Variants in NOLC1 observed in about 807,000 individuals in gnomAD.
The protein encoded by NOLC1 is 140 kDa nucleolar phosphoprotein.
NOLC1 carries 37 observed loss-of-function variants against 73.4 expected under a neutral mutation model. The ratio of observed to expected loss-of-function variants is 0.50; its 90% CI spans 0.39 to 0.66. The LOEUF is 0.66. Among genes scored for constraint, NOLC1 ranks in the 30% least tolerant of loss-of-function variants. The pLI, the probability that NOLC1 is intolerant of heterozygous loss-of-function variation, is 0.00. For synonymous variants in NOLC1, 327 were observed against 302.6 expected, an observed-to-expected ratio of 1.08 and a Z score of -0.84; for missense variants, 921 against 838.9, an observed-to-expected ratio of 1.10 and a Z score of -1.21.
At chr10:102,159,145 T>C in intron 5 of NOLC1, 48 bp from the exon 6 acceptor site, 1 of 1,595,882 alleles carries the variant, frequency 6.3e-7, no homozygotes, top group Non-Finnish European at 8.6e-7. Context: ...TTCATGGTCC[T>C]GACTTGCCCT....
In NOLC1 at chr10:102,163,187, G is replaced by A. The variant is rs1448885251; in HGVS notation, c.*918G>A. Reference sequence around the variant, plus strand: ...TGGTATTGCTGTCTTGGTTGCAGTGGTGATACAGAATTGGTTTCATTAATT... The same window carrying A: ...TGGTATTGCTGTCTTGGTTGCAGTGATGATACAGAATTGGTTTCATTAATT... On this transcript the variant is annotated 3_prime_UTR_variant, in exon 13 of 13. Transcript: ENST00000605788. 1 of 152,138 alleles carries A rather than the reference G, an allele frequency of 6.6e-6. No homozygotes were observed. The highest frequency in any genetic ancestry group is 2.4e-5 in the African/African-American group (1 of 41,412). 9.4% of individuals were successfully genotyped at this position (152,138 alleles called of 1,614,324 possible).
chr10:102,162,402 T>C lies in NOLC1; in HGVS notation c.*133T>C, dbSNP rs181189987. 2.2e-5 allele frequency: 19 copies of C among 881,148 alleles called. No individual in the cohort carries two copies. The East Asian group carries it at 4.0e-4, about 18-fold the overall frequency. 54.6% of individuals were successfully genotyped at this position (881,148 alleles called of 1,614,324 possible). A position where few individuals can be genotyped will look rare whatever the true frequency, so the allele number is the denominator to read the frequency against. On this transcript the variant is annotated 3_prime_UTR_variant, in exon 13 of 13. Transcript: ENST00000605788. ...AAGTTTAGAGTAGGTCCTAAGACTT[T>C]ACAGTGTAACATCCTCTCTGGTCCT...
chr10:102,161,774 C>G (rs1460904850), intron 11 of NOLC1, 59 bp from the exon 12 acceptor site: 1 of 1,547,320 alleles, frequency 6.5e-7, no homozygotes, highest in Non-Finnish European at 8.9e-7. Context: ...ATGTGTATCA[C>G]TCAGGAGAAC....
At chr10:102,157,649 GCA>G (rs1416643747) in intron 4 of NOLC1, 94 bp downstream of exon 4, 13 of 1,388,918 alleles carry the variant, frequency 9.4e-6, no homozygotes, top group Non-Finnish European at 1.3e-5. Context: ...GGTGATGGCG[GCA>G]ATACAATAGG....
Position 102,160,790 on chromosome 10 carries a change from G to A in NOLC1, c.1438G>A (p.Glu480Lys). 2 of 1,614,232 alleles carry A rather than the reference G, an allele frequency of 1.2e-6. No individual in the cohort carries two copies. Among genetic ancestry groups the A allele is most frequent in the Admixed American group, 1.7e-5 (1 of 60,020 alleles). ...TGATTCAGACAGCTCCAGCAGTGAG[G>A]AGGAGGAAGAGAAGACATCTAAGTC... ...SSDSDSSSSE[E>K]EEEKTSKSAV... The change falls in exon 10 of 13, where the codon GAG (glutamate) becomes AAG (lysine). Residue 480 changes from glutamate to lysine, a missense_variant. Coordinates refer to ENST00000605788, the MANE Select transcript of NOLC1 (RefSeq NM_004741.5).
At chr10:102,156,532 G>A (rs1426767311) in intron 1 of NOLC1, among the ~76,000 whole-genome samples, 1 of 151,154 alleles carries the variant, frequency 6.6e-6, no homozygotes, top group East Asian at 1.9e-4. Context: ...CAGCCTTCTA[G>A]GTTCAAGCAA....
At chr10:102,159,138 A>G (rs1002679486) in intron 5 of NOLC1, 55 bp from the exon 6 acceptor site, 4 of 1,539,160 alleles carry the variant, frequency 2.6e-6, no homozygotes, top group Admixed American at 3.9e-5. Flanking sequence ...GAGGTTTTTC[A>G]TGGTCCTGAC....
Position 102,152,419 on chromosome 10 carries a change from C to A in NOLC1, c.9C>A (p.Asp3Glu). The A allele has an allele frequency of 6.2e-7, 1 of 1,610,602 alleles. No homozygotes were observed. Among genetic ancestry groups the A allele is most frequent in the Non-Finnish European group, 8.5e-7 (1 of 1,180,010 alleles). The part of the protein sequence containing the change: MA[D>E]AGIRRVVPSD... ...CGCGTATTGCCTGGAGGATGGCGGACGCCGGCATTCGCCGCGTGGTTCCCA... is the reference window on the plus strand; with the variant it reads ...CGCGTATTGCCTGGAGGATGGCGGAAGCCGGCATTCGCCGCGTGGTTCCCA... Residue 3 changes from aspartate to glutamate, a missense_variant, in exon 1 of 13, where the codon GAC becomes GAA. Asp to Glu is a conservative substitution (Grantham distance 45). Transcript: ENST00000605788.
chr10:102,154,787 A>G (rs1349227473), intron 1 of NOLC1, among the ~76,000 whole-genome samples: 2 of 152,196 alleles, frequency 1.3e-5, no homozygotes, highest in East Asian at 3.9e-4. Flanking sequence ...TCAGCCTCCC[A>G]AAGTGTTGGG....
intron 7 of NOLC1, 35 bp from the exon 8 acceptor site, chr10:102,159,861 T>C: frequency 1.3e-6 from 2 of 1,489,828 alleles, no homozygotes; most frequent in South Asian, 1.4e-5. Flanking sequence ...GTTGTAGACA[T>C]ATCCTAAAAC....
chr10:102,157,919 C>A lies in NOLC1; in HGVS notation c.442-130C>A, dbSNP rs142322204. On this transcript the variant is annotated intron_variant, in intron 4 of 12. Transcript: ENST00000605788. ...TGAACTTTGTTGTTTTTTGCCCTTT[C>A]CGTATCCTGTCCTTAGCTTTCTTTT... 3,999 of 823,616 alleles carry A rather than the reference C, an allele frequency of 4.9e-3. 21 individuals are homozygous for A. Among genetic ancestry groups the A allele is most frequent in the Middle Eastern group, 7.6e-3 (20 of 2,636 alleles). 51.0% of individuals were successfully genotyped at this position (823,616 alleles called of 1,614,324 possible).
At position 102,159,242 on chromosome 10, in the gene NOLC1, T is replaced by TAGCAGCAGC. The variant is rs769073948; in HGVS notation, c.666_674dup (p.Ser225_Ser227dup). The TAGCAGCAGC allele has an allele frequency of 8.7e-6, 14 of 1,612,878 alleles. No homozygotes were observed. The highest frequency in any genetic ancestry group is 2.7e-5 in the African/African-American group (2 of 74,800). ...ATGGTAAAGCAGCCAGTAGCAGCAG[T>TAGCAGCAGC]AGCAGCAGCAGCAGCAGTAGCAGTG... On this transcript the variant is annotated inframe_insertion, in exon 6 of 13. Coordinates refer to ENST00000605788, the MANE Select transcript of NOLC1 (RefSeq NM_004741.5).
In NOLC1 at chr10:102,161,902, G is replaced by A. The variant is rs557849467; in HGVS notation, c.1918G>A (p.Ala640Thr). The change falls in exon 12 of 13, where the codon GCG becomes ACG. Residue 640 changes from alanine (A) to threonine (T), a missense_variant. Ala to Thr is a moderately conservative substitution (Grantham distance 58). Coordinates refer to ENST00000605788, the MANE Select transcript of NOLC1 (RefSeq NM_004741.5). ...GGAAATTGAGGTGGATTCACGAGTT[G>A]CGGACAACTCCTTTGATGCCAAGGT... is the stretch of plus-strand genomic sequence containing the variant. Reference protein sequence around the residue: ...EEEIEVDSRVADNSFDAKRGA... With the variant: ...EEEIEVDSRVTDNSFDAKRGA... The A allele has an allele frequency of 1.5e-5, 24 of 1,614,138 alleles. 1 individual carries two copies. In the South Asian group the frequency reaches 1.9e-4, roughly 13 times the overall value.
intron 4 of NOLC1, 39 bp downstream of exon 4, chr10:102,157,594 G>T (rs2069621146): frequency 6.3e-7 from 1 of 1,596,736 alleles, no homozygotes; most frequent in Non-Finnish European, 8.5e-7. Flanking sequence ...TTAAGGATTA[G>T]AAAGGAAGAA....
chr10:102,157,524 A>T lies in NOLC1; in HGVS notation c.410A>T (p.Asp137Val). ...SSSEESSDDD[D>V]EEDQKKQPVQ... is the part of the protein sequence containing the mutation. ...AGTGAAGAGTCCAGTGATGATGATG[A>T]TGAGGAGGACCAAAAGAAACAGCCT... The change falls in exon 4 of 13, where the codon GAT becomes GTT. Residue 137 changes from aspartate to valine, a missense_variant. Asp to Val is a radical substitution (Grantham distance 152, BLOSUM62 -3). Coordinates refer to ENST00000605788, the MANE Select transcript of NOLC1 (RefSeq NM_004741.5). 6.2e-7 allele frequency: 1 copy of T among 1,614,182 alleles called. No homozygotes were observed. Among genetic ancestry groups the T allele is most frequent in the Non-Finnish European group, 8.5e-7 (1 of 1,180,026 alleles).
In NOLC1 at chr10:102,158,067, G is replaced by A; in HGVS notation, c.460G>A (p.Ala154Thr). 1.2e-6 allele frequency: 2 copies of A among 1,613,924 alleles called. No individual in the cohort carries two copies. Among genetic ancestry groups the A allele is most frequent in the Non-Finnish European group, 1.7e-6 (2 of 1,179,932 alleles). Residue 154 changes from alanine (A) to threonine (T), a missense_variant, in exon 5 of 13, where the codon GCC becomes ACC. Coordinates refer to ENST00000605788, the MANE Select transcript of NOLC1 (RefSeq NM_004741.5). ...CTAACAGAAGGGAGTTAAGCCCCAA[G>A]CCAAGGCAGCCAAAGCTCCTCCTAA... ...QPVQKGVKPQ[A>T]KAAKAPPKKA...
intron 10 of NOLC1, 72 bp from the exon 11 acceptor site, chr10:102,161,483 TG>T: frequency 9.2e-7 from 1 of 1,092,086 alleles, no homozygotes; most frequent in South Asian, 1.3e-5. Context: ...CCTCCTACCT[TG>T]GACTCCCAAA....
rs550440416 is a variant in NOLC1 at position 102,162,104 on chromosome 10, T to C, written c.1942-7T>C. The C allele has an allele frequency of 3.7e-6, 6 of 1,613,436 alleles. No individual in the cohort carries two copies. The South Asian group carries it at 6.6e-5, about 18-fold the overall frequency. On this transcript the variant is annotated splice_region_variant and splice_polypyrimidine_tract_variant and intron_variant, in intron 12 of 12. Transcript: ENST00000605788. ...CCTCTGTGTTAATCTCCCTCTCTACTTACCAGCGAGGTGCAGCCGGAGACT... is the reference window on the plus strand; with the variant it reads ...CCTCTGTGTTAATCTCCCTCTCTACCTACCAGCGAGGTGCAGCCGGAGACT...
chr10:102,162,007 A>G, intron 12 of NOLC1, 82 bp downstream of exon 12: 1 of 1,603,164 alleles, frequency 6.2e-7, no homozygotes, highest in Non-Finnish European at 8.5e-7. Flanking sequence ...GTTGGTGGGA[A>G]TCTTCTCTGG....
Sources: allele counts gnomAD v4.1 joint callset (sites outside exome capture counted in the v4.1 genomes callset), GRCh38; gene constraint gnomAD v4.1.1; transcripts MANE v1.5; gene names NCBI Gene and HGNC (gene_info 2026-07-23, HGNC 2026-07-21).